Variants in ZNF385D observed in about 807,000 individuals in gnomAD.
The protein encoded by ZNF385D is zinc finger protein 659.
A neutral mutation model predicts 35.8 loss-of-function variants in ZNF385D; 15 were observed. The observed-to-expected ratio is 0.42, with a 90% CI of 0.28 to 0.64. The LOEUF (loss-of-function observed/expected upper bound fraction) is 0.64. Among genes scored for constraint, ZNF385D ranks in the 30% least tolerant of loss-of-function variants. The pLI is 0.23. For synonymous variants in ZNF385D, 212 were observed against 186.8 expected (o/e 1.13, Z -1.10); for missense variants, 474 against 494.6 (o/e 0.96, Z 0.39).
At chr3:21,784,014 C>T (rs1320483522) in intron 3 of ZNF385D, among the ~76,000 whole-genome samples, 1 of 152,030 alleles carries the variant, frequency 6.6e-6, no homozygotes, top group Non-Finnish European at 1.5e-5. Context: ...TCACAGACTG[C>T]AGTACAGTGT....
At chr3:21,650,759 A>T (rs1335052024) in intron 2 of ZNF385D, among the ~76,000 whole-genome samples, 1 of 152,140 alleles carries the variant, frequency 6.6e-6, no homozygotes, top group Non-Finnish European at 1.5e-5. Flanking sequence ...TAACACAAGC[A>T]TTGAGATTTT....
At chr3:22,360,679 T>C (rs918929315) in intron 2 of ZNF385D, among the ~76,000 whole-genome samples, 4 of 151,988 alleles carry the variant, frequency 2.6e-5, no homozygotes, top group Non-Finnish European at 5.9e-5. Flanking sequence ...ATATGCCCTA[T>C]TCACAGTAGA....
chr3:22,361,870 C>T (rs1696424186), intron 2 of ZNF385D, among the ~76,000 whole-genome samples: 1 of 151,812 alleles, frequency 6.6e-6, no homozygotes, highest in Non-Finnish European at 1.5e-5. Flanking sequence ...TGGGAAGAAA[C>T]AATAATTCCA....
At chr3:22,107,586 A>G (rs911508540) in intron 3 of ZNF385D, among the ~76,000 whole-genome samples, 1 of 152,158 alleles carries the variant, frequency 6.6e-6, no homozygotes, top group African/African-American at 2.4e-5. Context: ...AAATTACATA[A>G]TTTTATTTAA....
intron 2 of ZNF385D, among the ~76,000 whole-genome samples, chr3:22,210,135 G>T (rs1192225735): frequency 2.6e-5 from 4 of 151,806 alleles, no homozygotes; most frequent in Admixed American, 2.0e-4. Context: ...TGTGTGGAAG[G>T]CAAGTGAAAG....
At chr3:22,281,113 T>C (rs1012914479) in intron 2 of ZNF385D, among the ~76,000 whole-genome samples, 2 of 152,104 alleles carry the variant, frequency 1.3e-5, no homozygotes, top group Admixed American at 6.6e-5. Flanking sequence ...TGAATTCATT[T>C]ATCAGCTACA....
chr3:21,624,340 C>A (rs747948671), intron 2 of ZNF385D, among the ~76,000 whole-genome samples: 2 of 151,922 alleles, frequency 1.3e-5, no homozygotes, highest in African/African-American at 4.8e-5. Flanking sequence ...CAGGGGGTGA[C>A]CTCCAAAATT....
At chr3:21,877,208 G>C (rs926388395) in intron 3 of ZNF385D, among the ~76,000 whole-genome samples, 1 of 152,032 alleles carries the variant, frequency 6.6e-6, no homozygotes, top group Non-Finnish European at 1.5e-5. Flanking sequence ...TGTTTGCATA[G>C]GAATGGGCAT....
chr3:21,930,432 G>C (rs778835505), intron 3 of ZNF385D, among the ~76,000 whole-genome samples: 11 of 152,006 alleles, frequency 7.2e-5, no homozygotes, highest in African/African-American at 2.7e-4. Flanking sequence ...TAAAGAAATA[G>C]ATACTCTGGA....
At chr3:22,030,602 A>G (rs1250954090) in intron 3 of ZNF385D, among the ~76,000 whole-genome samples, 1 of 151,958 alleles carries the variant, frequency 6.6e-6, no homozygotes, top group African/African-American at 2.4e-5. Context: ...TCTGTGTTCA[A>G]ATCACCTCCC....
chr3:21,779,302 A>C (rs144704884), intron 3 of ZNF385D, among the ~76,000 whole-genome samples: 1 of 152,118 alleles, frequency 6.6e-6, no homozygotes, highest in East Asian at 1.9e-4. Flanking sequence ...CTCAGTGATC[A>C]TAAGCCCCAA....
chr3:22,294,965 C>CT (rs1326188806), intron 2 of ZNF385D, among the ~76,000 whole-genome samples: 20 of 152,010 alleles, frequency 1.3e-4, no homozygotes, highest in Admixed American at 1.3e-4. Context: ...GTATAACTAT[C>CT]TATCTCTGTA....
chr3:21,664,728 G>A (rs1429581215), intron 2 of ZNF385D, among the ~76,000 whole-genome samples, 158 bp downstream of exon 2: 1 of 152,104 alleles, frequency 6.6e-6, no homozygotes, highest in Non-Finnish European at 1.5e-5. Flanking sequence ...TGGGGATTTT[G>A]CCTAACCAAG....
In ZNF385D at chr3:21,765,356, C is replaced by A. The variant is rs533426781; in HGVS notation, c.326-100328G>T. On this transcript the variant is annotated intron_variant, in intron 3 of 5. Coordinates refer to the ZNF385D transcript ENST00000494108. ...GATGTATTTCAGAGCAGCTGCCAAG[C>A]CATTCTCCTCTCTGGGGAAATGCTT... Among the ~76,000 whole-genome samples the A allele has an allele frequency of 4.9e-4, 75 of 152,118 alleles. 1 individual carries two copies. Among genetic ancestry groups the A allele is most frequent in the Non-Finnish European group, 7.2e-4 (49 of 67,976 alleles).
At chr3:21,604,246 A>G (rs2125772364) in intron 2 of ZNF385D, among the ~76,000 whole-genome samples, 1 of 152,194 alleles carries the variant, frequency 6.6e-6, no homozygotes, top group East Asian at 1.9e-4. Flanking sequence ...TTTTTAACAG[A>G]GAGTCTGCTC....
At chr3:22,135,317 C>A (rs1041211149) in intron 3 of ZNF385D, among the ~76,000 whole-genome samples, 1 of 136,738 alleles carries the variant, frequency 7.3e-6, no homozygotes. Flanking sequence ...CACACACATA[C>A]CCCAACATAC....
At chr3:22,277,545 A>G (rs927615540) in intron 2 of ZNF385D, among the ~76,000 whole-genome samples, 3 of 152,158 alleles carry the variant, frequency 2.0e-5, no homozygotes, top group African/African-American at 7.2e-5. Flanking sequence ...ATAGTATCAA[A>G]CGAATTAAAG....
intron 3 of ZNF385D, among the ~76,000 whole-genome samples, chr3:21,906,621 A>G (rs1452922783): frequency 4.6e-5 from 7 of 152,072 alleles, no homozygotes; most frequent in Non-Finnish European, 8.8e-5. Context: ...GCCTTCAGTA[A>G]TGGGTCAGTG....
chr3:22,251,646 G>C (rs1191115728), intron 2 of ZNF385D, among the ~76,000 whole-genome samples: 1 of 152,008 alleles, frequency 6.6e-6, no homozygotes, highest in Non-Finnish European at 1.5e-5. Flanking sequence ...TCCCCCATTT[G>C]TGAGAACCAA....
Sources: allele counts gnomAD v4.1 joint callset (sites outside exome capture counted in the v4.1 genomes callset), GRCh38; gene constraint gnomAD v4.1.1; transcripts MANE v1.5; gene names NCBI Gene and HGNC (gene_info 2026-07-23, HGNC 2026-07-21).